DNAH9: variants seen among roughly 807,000 people sequenced by gnomAD.
DNAH9 encodes the protein DNAH9 variant protein.
A neutral mutation model predicts 471.6 loss-of-function variants in DNAH9; 345 were observed. That is an observed-to-expected ratio of 0.73 (90% CI 0.67 to 0.80). The LOEUF is 0.80. DNAH9 is among the 30% of genes least tolerant of loss of function. The pLI, the probability that DNAH9 is intolerant of heterozygous loss-of-function variation, is 0.00. For missense variants in DNAH9, 5,407 were observed against 5,609.2 expected (o/e 0.96, Z 1.15); for synonymous variants, 2,093 against 2,123.6 (o/e 0.99, Z 0.40).
chr17:11,702,196 G>T (rs554998442), intron 24 of DNAH9, among the ~76,000 whole-genome samples: 1 of 152,224 alleles, frequency 6.6e-6, no homozygotes, highest in South Asian at 2.1e-4. Context: ...CAGAGTAAGC[G>T]GAGGAGGAGC....
At chr17:11,841,567 G>A (rs919520657) in intron 49 of DNAH9, among the ~76,000 whole-genome samples, 1 of 152,148 alleles carries the variant, frequency 6.6e-6, no homozygotes, top group African/African-American at 2.4e-5. Context: ...AATCAGACAT[G>A]TATTTGTCTC....
intron 67 of DNAH9, among the ~76,000 whole-genome samples, chr17:11,951,616 T>G (rs1432819997): frequency 6.6e-6 from 1 of 151,246 alleles, no homozygotes; most frequent in African/African-American, 2.4e-5. Flanking sequence ...TGAGACCCTA[T>G]CTTGAGGGAA....
chr17:11,683,227 G>A (rs1399281036), intron 19 of DNAH9, among the ~76,000 whole-genome samples: 1 of 152,206 alleles, frequency 6.6e-6, no homozygotes, highest in African/African-American at 2.4e-5. Flanking sequence ...AGCCTGGAGT[G>A]CAATGGCACG....
At chr17:11,823,256 A>G (rs550175866) in intron 48 of DNAH9, among the ~76,000 whole-genome samples, 60 of 152,168 alleles carry the variant, frequency 3.9e-4, no homozygotes, top group African/African-American at 1.4e-3. Flanking sequence ...ATCCTTGTCC[A>G]TAGTAACAGT....
At chr17:11,961,846 C>T in intron 67 of DNAH9, 21 bp from the exon 68 acceptor site, 1 of 1,576,360 alleles carries the variant, frequency 6.3e-7, no homozygotes, top group Non-Finnish European at 8.6e-7. Flanking sequence ...ACGCTTTCCC[C>T]CTCCCATTCT....
In DNAH9 at chr17:11,832,307, C is replaced by T. The variant is rs141583400; in HGVS notation, c.9247-2331C>T. On this transcript the variant is annotated intron_variant, in intron 48 of 68. Transcript: ENST00000262442. ...TTACCTTGGACCTGAGGTCATAAGC[C>T]ATATCTGCAATCAACAAAACAAAAC... Among the ~76,000 whole-genome samples, 29 of 151,886 alleles carry T rather than the reference C, an allele frequency of 1.9e-4. No individual in the cohort carries two copies. The East Asian group carries it at 5.5e-3, about 29-fold the overall frequency.
chr17:11,762,770 G>GTTTGTTTGTTTTTTTTTTTTTTTTTT (rs1193246497), intron 35 of DNAH9, among the ~76,000 whole-genome samples: 2 of 90,744 alleles, frequency 2.2e-5, no homozygotes, highest in Non-Finnish European at 2.2e-5. Context: ...TTTTTTTTTT[G>GTTTGTTTGTTTTTTTTTTTTTTTTTT]TTTTTTTTTT....
chr17:11,784,276 C>T (rs1968775301), intron 40 of DNAH9, 24 bp from the exon 41 acceptor site: 1 of 1,611,866 alleles, frequency 6.2e-7, no homozygotes, highest in Non-Finnish European at 8.5e-7. Flanking sequence ...GGATGTTGAG[C>T]TCATGCCTTT....
Position 11,677,187 on chromosome 17 carries a change from C to T in DNAH9, c.3354-2570C>T, listed in dbSNP as rs9913999. Among the ~76,000 whole-genome samples, 1,078 of 152,144 alleles carry T rather than the reference C, an allele frequency of 7.1e-3. 11 individuals carry two copies. Among genetic ancestry groups the T allele is most frequent in the African/African-American group, 0.024 (993 of 41,514 alleles). On this transcript the variant is annotated intron_variant, in intron 17 of 68. Transcript: ENST00000262442. ...ATTCTATTCAAATCTACTGTATCTTCACTGCCTTTTTTTAATCTACTTAAT... is the reference window on the plus strand; with the variant it reads ...ATTCTATTCAAATCTACTGTATCTTTACTGCCTTTTTTTAATCTACTTAAT...
At chr17:11,938,456 C>CAA (rs11364413) in intron 66 of DNAH9, among the ~76,000 whole-genome samples, 18 of 111,412 alleles carry the variant, frequency 1.6e-4, no homozygotes, top group African/African-American at 2.5e-4. Flanking sequence ...AGACTGTCTC[C>CAA]AAAAAAAAAA....
intron 1 of DNAH9, among the ~76,000 whole-genome samples, chr17:11,600,212 C>G (rs906898069): frequency 3.3e-5 from 5 of 152,230 alleles, no homozygotes; most frequent in African/African-American, 1.2e-4. Flanking sequence ...GAACTTAGAT[C>G]AGCTTCTCTA....
chr17:11,625,459 A>G (rs112924243), intron 6 of DNAH9, among the ~76,000 whole-genome samples: 3 of 152,222 alleles, frequency 2.0e-5, no homozygotes, highest in African/African-American at 7.2e-5. Context: ...ACCATTGGCC[A>G]CATAAGGTCA....
intron 28 of DNAH9, among the ~76,000 whole-genome samples, chr17:11,731,171 T>A (rs957539379): frequency 6.6e-6 from 1 of 151,888 alleles, no homozygotes; most frequent in Admixed American, 6.6e-5. Flanking sequence ...ATTATAATGT[T>A]AACAATGATG....
chr17:11,933,804 C>A, intron 64 of DNAH9, 76 bp from the exon 65 acceptor site: 2 of 1,381,000 alleles, frequency 1.4e-6, no homozygotes, highest in South Asian at 1.3e-5. Flanking sequence ...TTCTGTGCTG[C>A]CCAGATGGGA....
intron 48 of DNAH9, among the ~76,000 whole-genome samples, chr17:11,830,289 G>A (rs1026206485): frequency 2.0e-5 from 3 of 152,162 alleles, no homozygotes; most frequent in African/African-American, 7.2e-5. Flanking sequence ...TGTCCTCCCA[G>A]CACCTACATT....
chr17:11,888,320 C>G (rs1315634786), intron 57 of DNAH9, among the ~76,000 whole-genome samples: 1 of 151,986 alleles, frequency 6.6e-6, no homozygotes, highest in Non-Finnish European at 1.5e-5. Flanking sequence ...CAATACTTGG[C>G]CTCATATTTA....
rs185106627 is a variant in DNAH9 at position 11,626,259 on chromosome 17, T to C, written c.1351-3158T>C. On this transcript the variant is annotated intron_variant, in intron 6 of 68. Coordinates refer to ENST00000262442, the MANE Select transcript of DNAH9 (RefSeq NM_001372.4). The surrounding 1 kb of genome is among the most constrained non-coding windows in gnomAD (Gnocchi z 4.3). Reference sequence around the variant, plus strand: ...ATTTAAACTTCTTATTGATTTAAATTGCCTTTTATCTGTTTTGTGAGAACT... The same window carrying C: ...ATTTAAACTTCTTATTGATTTAAATCGCCTTTTATCTGTTTTGTGAGAACT... Among the ~76,000 whole-genome samples the C allele has an allele frequency of 1.0e-3, 158 of 152,346 alleles. No individual in the cohort carries two copies. Among genetic ancestry groups the C allele is most frequent in the Non-Finnish European group, 1.8e-3 (123 of 68,030 alleles).
chr17:11,899,389 G>C (rs1024711496), intron 59 of DNAH9, among the ~76,000 whole-genome samples: 1 of 152,108 alleles, frequency 6.6e-6, no homozygotes, highest in African/African-American at 2.4e-5. Context: ...AATCTCATCT[G>C]CGATGAAGGC....
At position 11,662,248 on chromosome 17, in the gene DNAH9, G is replaced by A. The variant is rs1462854481; in HGVS notation, c.2596-2585G>A. Among the ~76,000 whole-genome samples the A allele has an allele frequency of 3.3e-5, 5 of 151,840 alleles. No individual in the cohort carries two copies. In the East Asian group the frequency reaches 9.6e-4, roughly 29 times the overall value. On this transcript the variant is annotated intron_variant, in intron 14 of 68. Transcript: ENST00000262442. ...TTTACTAGATTCTTTTTTAATCTTT[G>A]ATATTTTTTCAGCACAGTGATAATA... is the stretch of plus-strand genomic sequence containing the variant.
Sources: gnomAD v4.1 joint callset for allele counts (sites outside exome capture counted in the v4.1 genomes callset) on GRCh38, gnomAD v4.1.1 for gene constraint, Gnocchi (gnomAD v3.1) non-coding constraint, MANE v1.5 for transcripts, NCBI Gene and HGNC (gene_info 2026-07-23, HGNC 2026-07-21) for gene names.